Variants in FSTL5 observed in about 807,000 individuals in gnomAD.
The protein encoded by FSTL5 is follistatin like 5.
In FSTL5, 62 loss-of-function variants were observed where a neutral mutation model predicts 89.1. That is an observed-to-expected ratio of 0.70 (90% CI 0.57 to 0.86). The LOEUF is 0.86. Ranked by LOEUF, FSTL5 falls within the 40% of genes least tolerant of loss-of-function variation. The pLI is 0.00. For missense variants in FSTL5, 1,057 were observed against 1,001.6 expected, an observed-to-expected ratio of 1.06 and a Z score of -0.75; for synonymous variants, 383 against 346.2, an observed-to-expected ratio of 1.11 and a Z score of -1.18.
chr4:161,463,992 A>AT (rs960678271), intron 13 of FSTL5, among the ~76,000 whole-genome samples: 80 of 150,516 alleles, frequency 5.3e-4, no homozygotes, highest in East Asian at 5.3e-3. Flanking sequence ...TGTCTGAGTG[A>AT]TTTTTTTTTT....
chr4:161,803,555 T>A (rs930159705), intron 4 of FSTL5, among the ~76,000 whole-genome samples: 1 of 151,972 alleles, frequency 6.6e-6, no homozygotes. Context: ...AGTTTCCAAT[T>A]GCTGACCTAC....
intron 2 of FSTL5, among the ~76,000 whole-genome samples, chr4:162,040,472 G>C (rs975633390): frequency 6.6e-6 from 1 of 151,798 alleles, no homozygotes; most frequent in African/African-American, 2.4e-5. Flanking sequence ...ACACACACGT[G>C]CACACACTTT....
At chr4:161,473,964 T>C (rs1206279071) in intron 13 of FSTL5, among the ~76,000 whole-genome samples, 2 of 152,340 alleles carry the variant, frequency 1.3e-5, no homozygotes, top group East Asian at 3.9e-4. Context: ...TACTTAGTGA[T>C]AAGAAGGCAC....
At chr4:162,029,672 A>G (rs1307824178) in intron 3 of FSTL5, among the ~76,000 whole-genome samples, 2 of 152,114 alleles carry the variant, frequency 1.3e-5, no homozygotes, top group South Asian at 2.1e-4. Context: ...TCTTAAAGTT[A>G]TGAAGCACTG....
At chr4:161,613,624 C>A (rs1257661350) in intron 7 of FSTL5, among the ~76,000 whole-genome samples, 2 of 152,114 alleles carry the variant, frequency 1.3e-5, no homozygotes, top group Non-Finnish European at 2.9e-5. Flanking sequence ...CTTCAAATAT[C>A]ATCCACCATA....
intron 4 of FSTL5, among the ~76,000 whole-genome samples, chr4:161,896,585 T>C (rs1474372669): frequency 6.6e-6 from 1 of 152,164 alleles, no homozygotes; most frequent in Non-Finnish European, 1.5e-5. Context: ...GATTATAATA[T>C]ATAAAATGCA....
intron 4 of FSTL5, among the ~76,000 whole-genome samples, chr4:161,896,114 T>C (rs942112621): frequency 6.6e-6 from 1 of 152,184 alleles, no homozygotes; most frequent in Admixed American, 6.5e-5. Flanking sequence ...TTTTGATATA[T>C]TGTCATTATT....
chr4:161,705,957 T>TTGC (rs1316005288), intron 6 of FSTL5, among the ~76,000 whole-genome samples: 7,659 of 31,100 alleles, frequency 0.25, 681 homozygotes, highest in South Asian at 0.5. Flanking sequence ...TGTGTGTATA[T>TTGC]ATATATATAT....
intron 4 of FSTL5, among the ~76,000 whole-genome samples, chr4:161,850,115 G>A (rs1731502364): frequency 6.6e-6 from 1 of 152,126 alleles, no homozygotes; most frequent in South Asian, 2.1e-4. Context: ...AATTAAGGCT[G>A]TAATTATCAT....
intron 10 of FSTL5, among the ~76,000 whole-genome samples, chr4:161,535,268 A>C (rs983025749): frequency 1.3e-5 from 2 of 152,290 alleles, no homozygotes; most frequent in South Asian, 2.1e-4. Context: ...GTACAGCAAA[A>C]GAAATTACTA....
chr4:161,466,258 G>A (rs555700164), intron 13 of FSTL5, among the ~76,000 whole-genome samples: 4 of 152,072 alleles, frequency 2.6e-5, no homozygotes, highest in African/African-American at 9.7e-5. Flanking sequence ...AACATACACA[G>A]TATTAAAAAA....
chr4:161,606,984 C>G (rs1456465847), intron 7 of FSTL5, among the ~76,000 whole-genome samples: 1 of 151,970 alleles, frequency 6.6e-6, no homozygotes, highest in Non-Finnish European at 1.5e-5. Flanking sequence ...ATTCGATTTC[C>G]TCATTAGGAG....
intron 15 of FSTL5, among the ~76,000 whole-genome samples, chr4:161,415,401 AC>A (rs1731737697): frequency 6.6e-6 from 1 of 151,952 alleles, no homozygotes; most frequent in African/African-American, 2.4e-5. Flanking sequence ...GGTTACAGGC[AC>A]CCACCATCAT....
intron 15 of FSTL5, among the ~76,000 whole-genome samples, chr4:161,447,885 C>T (rs1167607277): frequency 6.6e-6 from 1 of 152,042 alleles, no homozygotes; most frequent in Non-Finnish European, 1.5e-5. Flanking sequence ...TACGTATATA[C>T]TTTGTTTGAC....
chr4:162,103,144 G>C (rs1731070095), intron 2 of FSTL5, among the ~76,000 whole-genome samples: 1 of 152,076 alleles, frequency 6.6e-6, no homozygotes, highest in South Asian at 2.1e-4. Context: ...AATTTTAGAA[G>C]TCAGATATAT....
At chr4:161,788,545 T>C (rs2126817560) in intron 4 of FSTL5, among the ~76,000 whole-genome samples, 1 of 152,296 alleles carries the variant, frequency 6.6e-6, no homozygotes. Flanking sequence ...TTGTTAGTAA[T>C]TCAGTTTCAC....
intron 8 of FSTL5, among the ~76,000 whole-genome samples, chr4:161,548,290 G>T (rs1732073178): frequency 6.6e-6 from 1 of 151,946 alleles, no homozygotes; most frequent in Middle Eastern, 3.4e-3. Context: ...GGTTGACACA[G>T]ATGGACAACA....
At chr4:161,469,381 C>A (rs575500739) in intron 13 of FSTL5, among the ~76,000 whole-genome samples, 3 of 152,250 alleles carry the variant, frequency 2.0e-5, no homozygotes, top group African/African-American at 7.2e-5. Context: ...AAATAACCAC[C>A]AGTCTCTCAA....
At chr4:161,669,191 A>T (rs1299116628) in intron 6 of FSTL5, among the ~76,000 whole-genome samples, 1 of 151,940 alleles carries the variant, frequency 6.6e-6, no homozygotes, top group Admixed American at 6.6e-5. Context: ...TCATGAAAAC[A>T]AAAACTCAGT....
Sources: gnomAD v4.1 joint callset for allele counts (sites outside exome capture counted in the v4.1 genomes callset) on GRCh38, gnomAD v4.1.1 for gene constraint, MANE v1.5 for transcripts, NCBI Gene and HGNC (gene_info 2026-07-23, HGNC 2026-07-21) for gene names.